Variants in PLPP2 observed in about 807,000 individuals in gnomAD.
PLPP2 encodes PAP2-gamma.
PLPP2 carries 29 observed loss-of-function variants against 35.2 expected under a neutral mutation model. The ratio of observed to expected loss-of-function variants is 0.82; its 90% CI spans 0.61 to 1.12. PLPP2 has a LOEUF of 1.12. Among genes scored for constraint, PLPP2 ranks in the 50% most tolerant of loss-of-function variants. The pLI, the probability that PLPP2 is intolerant of heterozygous loss-of-function variation, is 0.00. For missense variants in PLPP2, 353 were observed against 375.2 expected, an observed-to-expected ratio of 0.94 and a Z score of 0.49; for synonymous variants, 162 against 167.0, an observed-to-expected ratio of 0.97 and a Z score of 0.23.
rs541236963 is a variant in PLPP2 at position 289,724 on chromosome 19, C to T, written c.53-1553G>A. Among the ~76,000 whole-genome samples, 9 of 152,140 alleles carry T rather than the reference C, an allele frequency of 5.9e-5. No individual in the cohort carries two copies. In the South Asian group the frequency reaches 6.2e-4, roughly 11 times the overall value. On this transcript the variant is annotated intron_variant, in intron 1 of 5. Transcript: ENST00000434325. ...CTCAAGAAAGAAAAAAAAAGGGCAG[C>T]GCCAGGGCCTGGAGGCAGGGCAGGA... is the stretch of plus-strand genomic sequence containing the variant.
intron 3 of PLPP2, chr19:283,871 A>G (rs1378292442): frequency 6.6e-6 from 1 of 152,206 alleles, no homozygotes; most frequent in Non-Finnish European, 1.5e-5. Context: ...TCTCTGTCCT[A>G]TCACTGACCA....
Position 288,175 on chromosome 19 carries a change from G to C in PLPP2, c.53-4C>G, listed in dbSNP as rs928294330. The C allele has an allele frequency of 1.9e-6, 3 of 1,568,936 alleles. No individual in the cohort carries two copies. The East Asian group carries it at 6.8e-5, about 36-fold the overall frequency. On this transcript the variant is annotated splice_region_variant and splice_polypyrimidine_tract_variant and intron_variant, in intron 1 of 5. Transcript: ENST00000434325. ...AGGATAGCGAAGGGCAGGGAGGCTGGTGGGGAAGAAAAGCCTGGGAGCTGT... is the reference window on the plus strand; with the variant it reads ...AGGATAGCGAAGGGCAGGGAGGCTGCTGGGGAAGAAAAGCCTGGGAGCTGT...
At chr19:283,041 T>C (rs1008110511) in intron 3 of PLPP2, 15 of 523,128 alleles carry the variant, frequency 2.9e-5, no homozygotes, top group Non-Finnish European at 3.0e-5. Flanking sequence ...CTCTGAGGCC[T>C]GAACCCAAAA....
At chr19:281,615 G>C (rs1970175508) in intron 5 of PLPP2, 78 bp from the exon 6 acceptor site, 2 of 1,316,064 alleles carry the variant, frequency 1.5e-6, no homozygotes, top group Admixed American at 5.3e-5. Flanking sequence ...AGGAGGGGGA[G>C]GAACAGGGTC....
At position 287,649 on chromosome 19, in the gene PLPP2, GGAAGGTCCCCA is replaced by G. The variant is rs1970296595; in HGVS notation, c.296_306del (p.Leu99ProfsTer54). On this transcript the variant is annotated frameshift_variant, in exon 3 of 6. Transcript: ENST00000434325. LOFTEE classifies it high-confidence loss of function. This position sits in a 1 kb window ranked among gnomAD's most constrained non-coding sequence, Gnocchi z 4.3. ...GACTGGCTCACGGCAGCCCCAAACA[GGAAGGTCCCCA>G]GCACCTTGTATACAGCAGCCACGTA... is the stretch of plus-strand genomic sequence containing the variant. The G allele has an allele frequency of 1.2e-6, 2 of 1,613,950 alleles. No individual in the cohort carries two copies. Among genetic ancestry groups the G allele is most frequent in the African/African-American group, 1.3e-5 (1 of 75,062 alleles).
At position 287,942 on chromosome 19, in the gene PLPP2, C is replaced by G. The variant is rs570517928; in HGVS notation, c.204+78G>C. ...GACCTCCAGGGCAGGGCTGTGCCAC[C>G]CCCCCATCAGGCCCCCAGGGTAAAG... On this transcript the variant is annotated intron_variant, in intron 2 of 5. Coordinates refer to ENST00000434325, the MANE Select transcript of PLPP2 (RefSeq NM_003712.4). The surrounding 1 kb of genome is among the most constrained non-coding windows in gnomAD (Gnocchi z 4.3). The G allele has an allele frequency of 1.0e-5, 16 of 1,549,342 alleles. No homozygotes were observed. Among genetic ancestry groups the G allele is most frequent in the African/African-American group, 1.4e-5 (1 of 69,550 alleles).
In PLPP2 at chr19:287,798, G is replaced by C; in HGVS notation, c.205-47C>G. ...CCAGTGGGGGTCTCGGTCGGCCCAG[G>C]GGCCCTCACTCCTCCGCACGGGCCT... is the stretch of plus-strand genomic sequence containing the variant. On this transcript the variant is annotated intron_variant, in intron 2 of 5. Transcript: ENST00000434325. The surrounding 1 kb of genome is among the most constrained non-coding windows in gnomAD (Gnocchi z 4.3). 6.2e-7 allele frequency: 1 copy of C among 1,605,684 alleles called. No homozygotes were observed. The highest frequency in any genetic ancestry group is 8.5e-7 in the Non-Finnish European group (1 of 1,175,224).
intron 3 of PLPP2, 52 bp from the exon 4 acceptor site, chr19:282,861 C>A: frequency 6.5e-7 from 1 of 1,547,578 alleles, no homozygotes; most frequent in Non-Finnish European, 8.9e-7. Flanking sequence ...CAACCTCCCC[C>A]TTGTCCCCGC....
intron 1 of PLPP2, among the ~76,000 whole-genome samples, chr19:289,035 C>G (rs1388460045): frequency 6.6e-6 from 1 of 152,200 alleles, no homozygotes; most frequent in African/African-American, 2.4e-5. Flanking sequence ...CCAGCCCTGG[C>G]CTCAGGGATC....
chr19:284,406 C>G (rs1051065364), intron 3 of PLPP2: 1 of 151,132 alleles, frequency 6.6e-6, no homozygotes, highest in African/African-American at 2.4e-5. Flanking sequence ...GGCCAATACA[C>G]AGGGAAAAAA....
rs1328708065 is a variant in PLPP2, at chr19:287,976, A to T, written c.204+44T>A. The T allele has an allele frequency of 7.1e-7, 1 of 1,414,808 alleles. No individual in the cohort carries two copies. Among genetic ancestry groups the T allele is most frequent in the Non-Finnish European group, 9.4e-7 (1 of 1,061,888 alleles). The allele number at this position is 1,414,808 out of a possible 1,614,324, so 87.6% of individuals were successfully genotyped here. The stretch of plus-strand genomic sequence containing the variant: ...AGGCCCCCAGGGTAAAGCTGGCCCC[A>T]CCCCATCCCCCTACCCAGTCCCTCT... On this transcript the variant is annotated intron_variant, in intron 2 of 5. Transcript: ENST00000434325. The surrounding 1 kb of genome is among the most constrained non-coding windows in gnomAD (Gnocchi z 4.3).
chr19:282,996 T>A (rs1970210871), intron 3 of PLPP2, 187 bp from the exon 4 acceptor site: 1 of 604,086 alleles, frequency 1.7e-6, no homozygotes, highest in South Asian at 2.0e-5. Context: ...AGTCTCTGAC[T>A]GGGGCTGTGG....
At chr19:290,655 G>A (rs1231803261) in intron 1 of PLPP2, among the ~76,000 whole-genome samples, 4 of 152,202 alleles carry the variant, frequency 2.6e-5, no homozygotes, top group Non-Finnish European at 5.9e-5. Flanking sequence ...CCGCCAGTGT[G>A]GCCCGCAAAC....
At position 288,222 on chromosome 19, in the gene PLPP2, CCT is replaced by C; in HGVS notation, c.53-53_53-52del. ...CTGTGAGGTTCTCTCACCAGCTGGG[CCT>C]TGGGGCCCCACACACCTGCCTTGGC... On this transcript the variant is annotated intron_variant, in intron 1 of 5. Coordinates refer to ENST00000434325, the MANE Select transcript of PLPP2 (RefSeq NM_003712.4). The C allele has an allele frequency of 2.0e-6, 3 of 1,529,784 alleles. No homozygotes were observed. In the South Asian group the frequency reaches 3.8e-5, roughly 20 times the overall value. 94.8% of individuals were successfully genotyped at this position (1,529,784 alleles called of 1,614,324 possible).
At chr19:285,690 T>TGG (rs1970261819) in intron 3 of PLPP2, 2 of 148,324 alleles carry the variant, frequency 1.3e-5, no homozygotes, top group Admixed American at 1.3e-4. Flanking sequence ...TGGCCAGGCA[T>TGG]GGTGGCTCAC....
intron 5 of PLPP2, chr19:281,898 A>C: frequency 4.4e-6 from 2 of 453,852 alleles, no homozygotes; most frequent in East Asian, 3.8e-5. Context: ...TTTGGGGGTA[A>C]TGAAGAGGGT....
chr19:283,086 A>G lies in PLPP2; in HGVS notation c.483-277T>C, dbSNP rs958189074. On this transcript the variant is annotated intron_variant, in intron 3 of 5. Transcript: ENST00000434325. ...GACAATCATGTCTGGCAAGCAGGCA[A>G]CACCACAGTTTCATTTTCACCATGT... 61 of 404,986 alleles carry G rather than the reference A, an allele frequency of 1.5e-4. No individual in the cohort carries two copies. In the East Asian group the frequency reaches 2.4e-3, roughly 16 times the overall value. 25.1% of individuals were successfully genotyped at this position (404,986 alleles called of 1,614,324 possible).
chr19:283,409 CA>C (rs1970216082), intron 3 of PLPP2: 2 of 153,082 alleles, frequency 1.3e-5, no homozygotes, highest in South Asian at 4.1e-4. Flanking sequence ...ATTCCAAGAA[CA>C]GACTTTATTT....
chr19:281,677 G>A, intron 5 of PLPP2, 140 bp from the exon 6 acceptor site: 3 of 812,728 alleles, frequency 3.7e-6, no homozygotes, highest in Non-Finnish European at 5.4e-6. Context: ...AGTGCCTGGG[G>A]TGGGAAGAGA....
Sources: gnomAD v4.1 joint callset for allele counts (sites outside exome capture counted in the v4.1 genomes callset) on GRCh38, gnomAD v4.1.1 for gene constraint, Gnocchi (gnomAD v3.1) non-coding constraint, MANE v1.5 for transcripts, NCBI Gene and HGNC (gene_info 2026-07-23, HGNC 2026-07-21) for gene names.